The following POP4 variants were observed in gnomAD, a reference collection of about 807,000 sequenced individuals.
POP4 encodes POP4 ribonuclease P/MRP subunit, also known as ribonuclease P protein subunit p29.
In POP4, 31 loss-of-function variants were observed where a neutral mutation model predicts 29.9. That is an observed-to-expected ratio of 1.04 (90% CI 0.78 to 1.40). POP4 has a LOEUF of 1.40. POP4 is among the 40% of genes most tolerant of loss of function. POP4 has a pLI of 0.00. For missense variants in POP4, 286 were observed against 282.7 expected (o/e 1.01, Z -0.08); for synonymous variants, 110 against 108.2 (o/e 1.02, Z -0.10).
In POP4 at chr19:29,610,390, C is replaced by T. The variant is rs551187613; in HGVS notation, c.61-19C>T. The T allele has an allele frequency of 9.9e-6, 15 of 1,518,912 alleles. No homozygotes were observed. Among genetic ancestry groups the T allele is most frequent in the African/African-American group, 4.1e-5 (3 of 72,908 alleles). The allele number at this position is 1,518,912 out of a possible 1,614,324, so 94.1% of individuals were successfully genotyped here. A position where few individuals can be genotyped will look rare whatever the true frequency, so the allele number is the denominator to read the frequency against. On this transcript the variant is annotated intron_variant, in intron 2 of 6. Coordinates refer to ENST00000585603, the MANE Select transcript of POP4 (RefSeq NM_006627.3). ...CCAGACCGGAGCAGTGAGCGCCGCA[C>T]CCCCTTGTCCGCCTGCAGCCTTCAG...
At chr19:29,611,129 G>A (rs1971063783) in intron 3 of POP4, 2 of 160,974 alleles carry the variant, frequency 1.2e-5, no homozygotes, top group Non-Finnish European at 2.7e-5. Flanking sequence ...GTCTGAGTGT[G>A]GGTGTCTTGG....
intron 3 of POP4, 168 bp from the exon 4 acceptor site, chr19:29,611,694 G>A (rs1971071004): frequency 6.5e-6 from 4 of 618,998 alleles, no homozygotes; most frequent in Admixed American, 2.8e-5. Flanking sequence ...AGAGGTGTAG[G>A]TTCTTGGTCT....
chr19:29,611,622 G>C (rs1971070335), intron 3 of POP4: 2 of 473,502 alleles, frequency 4.2e-6, no homozygotes, highest in Non-Finnish European at 7.5e-6. Flanking sequence ...CTCATGAAAA[G>C]AAGTCCAGGT....
intron 1 of POP4, chr19:29,606,571 G>A (rs767948098): frequency 1.4e-5 from 6 of 433,720 alleles, no homozygotes; most frequent in Non-Finnish European, 2.0e-5. Context: ...AGTGGTGTGC[G>A]ATGCTAGAGG....
chr19:29,610,246 G>A, intron 2 of POP4, 163 bp from the exon 3 acceptor site: 1 of 625,606 alleles, frequency 1.6e-6, no homozygotes, highest in South Asian at 2.0e-5. Context: ...GCAGCTGTGG[G>A]TAGCAGATGC....
At position 29,615,529 on chromosome 19, in the gene POP4, A is replaced by T. The variant is rs1464814488; in HGVS notation, c.*149A>T. The T allele has an allele frequency of 1.3e-6, 1 of 796,758 alleles. No homozygotes were observed. Among genetic ancestry groups the T allele is most frequent in the Non-Finnish European group, 1.9e-6 (1 of 522,992 alleles). 49.4% of individuals were successfully genotyped at this position (796,758 alleles called of 1,614,324 possible). On this transcript the variant is annotated 3_prime_UTR_variant, in exon 7 of 7. Coordinates refer to ENST00000585603, the MANE Select transcript of POP4 (RefSeq NM_006627.3). ...CTCCGAGTTGAGGATGTTGAACAAC[A>T]TGGGAAGGTCGCAGCGTACTAAGTG...
At chr19:29,607,604 A>G (rs1037523983) in intron 1 of POP4, among the ~76,000 whole-genome samples, 4 of 152,212 alleles carry the variant, frequency 2.6e-5, no homozygotes, top group African/African-American at 7.2e-5. Context: ...TAGTAGTCCC[A>G]TTCTTATTCC....
intron 5 of POP4, 187 bp from the exon 6 acceptor site, chr19:29,613,684 G>A (rs1971097703): frequency 6.9e-6 from 6 of 875,100 alleles, no homozygotes; most frequent in Non-Finnish European, 8.3e-6. Flanking sequence ...AAAGCCCCAG[G>A]GGAAGCCTGG....
intron 6 of POP4, 77 bp from the exon 7 acceptor site, chr19:29,615,167 T>A (rs1454048111): frequency 3.1e-5 from 44 of 1,417,172 alleles, no homozygotes; most frequent in Non-Finnish European, 3.8e-5. Context: ...CTGAATAATA[T>A]TCTACCTAAA....
intron 3 of POP4, 81 bp downstream of exon 3, chr19:29,610,713 C>T (rs1011201733): frequency 2.8e-6 from 4 of 1,403,810 alleles, no homozygotes; most frequent in Non-Finnish European, 1.9e-6. Context: ...GCTGGGGAGG[C>T]AGCCTGGCTC....
chr19:29,614,564 G>T (rs1326653803), intron 6 of POP4, among the ~76,000 whole-genome samples: 1 of 149,352 alleles, frequency 6.7e-6, no homozygotes, highest in Admixed American at 6.7e-5. Context: ...GAGTGCAGTG[G>T]CACAATCTCG....
In POP4 at chr19:29,615,548, C is replaced by T. The variant is rs1971120903; in HGVS notation, c.*168C>T. The T allele has an allele frequency of 1.3e-5, 8 of 639,060 alleles. No individual in the cohort carries two copies. In the South Asian group the frequency reaches 2.2e-4, roughly 18 times the overall value. 39.6% of individuals were successfully genotyped at this position (639,060 alleles called of 1,614,324 possible). On this transcript the variant is annotated 3_prime_UTR_variant, in exon 7 of 7. Transcript: ENST00000585603. The stretch of plus-strand genomic sequence containing the variant: ...AACAACATGGGAAGGTCGCAGCGTA[C>T]TAAGTGAAGAAGTCAGAGGACAGAG...
chr19:29,613,011 G>A (rs1178399489), intron 5 of POP4, among the ~76,000 whole-genome samples: 1 of 152,186 alleles, frequency 6.6e-6, no homozygotes, highest in Non-Finnish European at 1.5e-5. Context: ...TGGGGCAGCA[G>A]GCCTCCCACA....
rs1555705431 is a variant in POP4 at position 29,607,282 on chromosome 19, G to GAAGAA, written c.7+959_7+960insGAAAA. ...CGAGACCCTGTCTCTACAAAAACTGGAAAAAAAAAAAAAGAATTAGCCAGG... is the reference window on the plus strand; with the variant it reads ...CGAGACCCTGTCTCTACAAAAACTGGAAGAAAAAAAAAAAAAAAGAATTAGCCAGG... On this transcript the variant is annotated intron_variant, in intron 1 of 6. Coordinates refer to ENST00000585603, the MANE Select transcript of POP4 (RefSeq NM_006627.3). 1.1e-4 allele frequency among the ~76,000 whole-genome samples: 16 copies of GAAGAA among 146,530 alleles called. No homozygotes were observed. The East Asian group carries it at 3.0e-3, about 28-fold the overall frequency.
In POP4 at chr19:29,615,510, GT is replaced by G; in HGVS notation, c.*132del. ...CCACCTCCAGCCAGTGACGCTCCGA[GT>G]TGAGGATGTTGAACAACATGGGAAG... On this transcript the variant is annotated 3_prime_UTR_variant, in exon 7 of 7. Transcript: ENST00000585603. 1.1e-6 allele frequency: 1 copy of G among 949,830 alleles called. No individual in the cohort carries two copies. The highest frequency in any genetic ancestry group is 1.5e-6 in the Non-Finnish European group (1 of 655,286). The allele number at this position is 949,830 out of a possible 1,614,324, so 58.8% of individuals were successfully genotyped here.
chr19:29,615,251 C>A lies in POP4; in HGVS notation c.534C>A (p.Pro178=). The A allele has an allele frequency of 6.5e-7, 1 of 1,545,078 alleles. No individual in the cohort carries two copies. Among genetic ancestry groups the A allele is most frequent in the Middle Eastern group, 1.8e-4 (1 of 5,540 alleles). ...TTTTTTTTTTTTTTTCAGTTATCCC[C>A]AAGCTAAACTGCGTGTTCACTGTGG... ...ITKEDRLKVI[P]KLNCVFTVET... The change falls in exon 7 of 7, where the codon CCC becomes CCA. Residue 178 remains proline, a synonymous_variant. Coordinates refer to ENST00000585603, the MANE Select transcript of POP4 (RefSeq NM_006627.3).
chr19:29,610,543 G>T lies in POP4; in HGVS notation c.195G>T (p.Lys65Asn). ...TCCTGGAGTACTTCACCCGCCACAA[G>T]CGCAAGGAGAAGAAGAAGAAAGCCA... ...AVVLEYFTRH[K>N]RKEKKKKAKG... Residue 65 changes from lysine to asparagine, a missense_variant, in exon 3 of 7, where the codon AAG becomes AAT. Coordinates refer to ENST00000585603, the MANE Select transcript of POP4 (RefSeq NM_006627.3). 2 of 1,614,210 alleles carry T rather than the reference G, an allele frequency of 1.2e-6. No individual in the cohort carries two copies. Among genetic ancestry groups the T allele is most frequent in the Non-Finnish European group, 1.7e-6 (2 of 1,180,048 alleles).
chr19:29,606,522 G>T, intron 1 of POP4, 197 bp downstream of exon 1: 1 of 553,672 alleles, frequency 1.8e-6, no homozygotes, highest in Non-Finnish European at 3.0e-6. Flanking sequence ...GCTAGGGAGG[G>T]ATGTCAGGGC....
At chr19:29,614,988 T>G (rs1365397267) in intron 6 of POP4, among the ~76,000 whole-genome samples, 1 of 152,230 alleles carries the variant, frequency 6.6e-6, no homozygotes, top group Non-Finnish European at 1.5e-5. Flanking sequence ...TGGGACTTTC[T>G]GGTTCTGGGA....
Sources: gnomAD v4.1 joint callset for allele counts (sites outside exome capture counted in the v4.1 genomes callset) on GRCh38, gnomAD v4.1.1 for gene constraint, MANE v1.5 for transcripts, NCBI Gene and HGNC (gene_info 2026-07-23, HGNC 2026-07-21) for gene names.